Variants in GRIP1 observed in about 807,000 individuals in gnomAD.
GRIP1 encodes glutamate receptor interacting protein 1, also known as glutamate receptor-interacting protein 1.
A neutral mutation model predicts 129.9 loss-of-function variants in GRIP1; 45 were observed. The observed-to-expected ratio is 0.35, with a 90% confidence interval of 0.27 to 0.44. The LOEUF is 0.44. Ranked by LOEUF, GRIP1 falls within the 20% of genes least tolerant of loss-of-function variation. The probability of loss-of-function intolerance (pLI) is 1.00; values close to 1 mark genes in which losing one functional copy is unlikely to be tolerated. For missense variants in GRIP1, 1,196 were observed against 1,396.8 expected (o/e 0.86, Z 2.29); for synonymous variants, 530 against 520.8 (o/e 1.02, Z -0.24).
At chr12:66,989,998 A>T (rs1467097802) in intron 1 of GRIP1, among the ~76,000 whole-genome samples, 2 of 152,242 alleles carry the variant, frequency 1.3e-5, no homozygotes, top group African/African-American at 4.8e-5. Flanking sequence ...AAAATAAATG[A>T]AAGTGTTAAT....
intron 1 of GRIP1, among the ~76,000 whole-genome samples, chr12:66,946,785 T>TGGGGGGGGGGGGGGGG (rs537292136): frequency 3.7e-5 from 1 of 26,856 alleles, no homozygotes; most frequent in Non-Finnish European, 6.8e-5. Context: ...GGGTGGGGGA[T>TGGGGGGGGGGGGGGGG]GGGGGGGGTG....
intron 1 of GRIP1, among the ~76,000 whole-genome samples, chr12:66,601,270 C>A (rs939824215): frequency 2.6e-5 from 4 of 152,144 alleles, no homozygotes; most frequent in African/African-American, 7.2e-5. Flanking sequence ...TGGAAAGCAA[C>A]CAGTGGGCAC....
At chr12:66,364,942 C>A (rs2055045320) in intron 23 of GRIP1, among the ~76,000 whole-genome samples, 1 of 151,942 alleles carries the variant, frequency 6.6e-6, no homozygotes, top group Non-Finnish European at 1.5e-5. Context: ...CCTTTTTCCC[C>A]AGGGCGTGTC....
intron 2 of GRIP1, among the ~76,000 whole-genome samples, chr12:66,561,813 T>C (rs529450514): frequency 6.6e-6 from 1 of 152,248 alleles, no homozygotes; most frequent in East Asian, 1.9e-4. Flanking sequence ...AAAGAATATG[T>C]CTGGGTTTGG....
At chr12:66,517,362 C>G (rs7976246) in intron 6 of GRIP1, among the ~76,000 whole-genome samples, 71,298 of 151,928 alleles carry the variant, frequency 0.47, 16,917 homozygotes, top group African/African-American at 0.54. Flanking sequence ...GAAAACTCTA[C>G]AGACTAATGA....
At chr12:66,616,945 A>C (rs2065062748) in intron 1 of GRIP1, among the ~76,000 whole-genome samples, 1 of 152,110 alleles carries the variant, frequency 6.6e-6, no homozygotes, top group Admixed American at 6.5e-5. Context: ...CCCATCTACT[A>C]GAATAAATCA....
rs62802760 is a variant in GRIP1, at chr12:67,049,970, C to CTT, written c.58+19078_58+19079dup. Among the ~76,000 whole-genome samples, 699 of 126,604 alleles carry CTT rather than the reference C, an allele frequency of 5.5e-3. 3 individuals carry two copies. Among genetic ancestry groups the CTT allele is most frequent in the African/African-American group, 0.018 (621 of 34,194 alleles). 83.1% of individuals were successfully genotyped at this position (126,604 alleles called of 152,430 possible). On this transcript the variant is annotated intron_variant, in intron 1 of 1. Transcript: ENST00000643019. The stretch of plus-strand genomic sequence containing the variant: ...TTGCATTTTTTGCGTATTTGAATTT[C>CTT]TTTTTTTTTTTTTTTGGTGACTTGT...
chr12:66,503,098 C>T (rs1493483), intron 7 of GRIP1, among the ~76,000 whole-genome samples: 106,086 of 151,900 alleles, frequency 0.7, 38,032 homozygotes, highest in African/African-American at 0.87. Context: ...AATCTCCTGA[C>T]GGTCCACAGC....
intron 1 of GRIP1, among the ~76,000 whole-genome samples, chr12:66,658,580 CA>C (rs112976977): frequency 1.2e-3 from 145 of 124,760 alleles, no homozygotes; most frequent in Middle Eastern, 4.2e-3. Context: ...GACTCCATCT[CA>C]AAAAAAAAAA....
rs1325047481 is a variant in GRIP1 at position 66,863,159 on chromosome 12, T to C, written c.58+205891A>G. ...CTTCTCTTTTTCTAAGCCAAATTAC[T>C]TACGATTCCCCAAAGTGTACCTACA... On this transcript the variant is annotated intron_variant, in intron 1 of 1. Transcript: ENST00000643019. Among the ~76,000 whole-genome samples the C allele has an allele frequency of 2.0e-5, 3 of 152,120 alleles. No homozygotes were observed. In the East Asian group the frequency reaches 5.8e-4, roughly 29 times the overall value.
chr12:67,001,700 T>C (rs1399830798), intron 1 of GRIP1, among the ~76,000 whole-genome samples: 1 of 152,046 alleles, frequency 6.6e-6, no homozygotes, highest in Non-Finnish European at 1.5e-5. Context: ...GGAGTACTCG[T>C]GTATTCTCTC....
intron 1 of GRIP1, among the ~76,000 whole-genome samples, chr12:66,905,256 C>A (rs74098140): frequency 1.5e-3 from 235 of 152,308 alleles, no homozygotes; most frequent in African/African-American, 5.1e-3. Context: ...TGGCAAGTTG[C>A]CTGGTTCTTG....
chr12:66,641,386 G>T (rs532670002), intron 1 of GRIP1, among the ~76,000 whole-genome samples: 1 of 152,276 alleles, frequency 6.6e-6, no homozygotes, highest in Admixed American at 6.5e-5. Context: ...AAGTCAGATT[G>T]GGGGAGGAAG....
chr12:66,605,066 C>CAT (rs34122251), intron 1 of GRIP1, among the ~76,000 whole-genome samples: 6,679 of 146,914 alleles, frequency 0.045, 303 homozygotes, highest in African/African-American at 0.11. Flanking sequence ...TATATATATA[C>CAT]ATATATATAT....
chr12:66,758,737 T>C (rs1361187085), intron 1 of GRIP1, among the ~76,000 whole-genome samples: 1 of 152,140 alleles, frequency 6.6e-6, no homozygotes, highest in Non-Finnish European at 1.5e-5. Flanking sequence ...ACAAAGGGGA[T>C]ACAGGGCCCA....
upstream of GRIP1, chr12:66,679,270 T>C (rs555647439): frequency 1.9e-6 from 1 of 514,314 alleles, no homozygotes; most frequent in African/African-American, 2.0e-5. Flanking sequence ...GCATTCTGTT[T>C]AAGGCAAAAG....
chr12:66,898,756 G>C (rs930025895), intron 1 of GRIP1, among the ~76,000 whole-genome samples: 1 of 152,084 alleles, frequency 6.6e-6, no homozygotes, highest in Non-Finnish European at 1.5e-5. Context: ...CTCTTTCCTA[G>C]TCCAGCTTGT....
chr12:66,815,088 A>C lies in GRIP1; in HGVS notation c.59-218161T>G, dbSNP rs1023633443. 9.2e-5 allele frequency among the ~76,000 whole-genome samples: 14 copies of C among 152,214 alleles called. No homozygotes were observed. In the East Asian group the frequency reaches 2.1e-3, roughly 23 times the overall value. ...ATCAGCAGATCCATATTAGATATTT[A>C]TATCCTTTATATGCATATAGGAAGC... On this transcript the variant is annotated intron_variant, in intron 1 of 1. Coordinates refer to the GRIP1 transcript ENST00000643019.
chr12:66,583,770 G>A (rs1362648316), intron 2 of GRIP1, among the ~76,000 whole-genome samples: 1 of 136,568 alleles, frequency 7.3e-6, no homozygotes, highest in Non-Finnish European at 1.6e-5. Context: ...AGGTGCTGGA[G>A]AGGATGTGGA....
Sources: gnomAD v4.1 joint callset for allele counts (sites outside exome capture counted in the v4.1 genomes callset) on GRCh38, gnomAD v4.1.1 for gene constraint, MANE v1.5 for transcripts, NCBI Gene and HGNC (gene_info 2026-07-23, HGNC 2026-07-21) for gene names.